The following DOCK4 variants were observed in gnomAD, a reference collection of about 807,000 sequenced individuals.
DOCK4 encodes dedicator of cytokinesis protein 4.
A neutral mutation model predicts 268.1 loss-of-function variants in DOCK4; 97 were observed. That is an observed-to-expected ratio of 0.36 (90% CI 0.31 to 0.43). The LOEUF (loss-of-function observed/expected upper bound fraction) is 0.43, where lower values mean the gene tolerates loss of function less well. Ranked by LOEUF, DOCK4 falls within the 20% of genes least tolerant of loss-of-function variation. The pLI is 1.00. For missense variants in DOCK4, 2,145 were observed against 2,455.7 expected (o/e 0.87, Z 2.67); for synonymous variants, 954 against 887.2 (o/e 1.08, Z -1.34).
intron 19 of DOCK4, 59 bp from the exon 20 acceptor site, chr7:111,872,149 T>G (rs1380029893): frequency 6.9e-7 from 1 of 1,442,574 alleles, no homozygotes; most frequent in African/African-American, 1.4e-5. Flanking sequence ...TTCCTTTTTT[T>G]TTTGCTTCTT....
intron 26 of DOCK4, among the ~76,000 whole-genome samples, chr7:111,823,506 C>A (rs1365562278): frequency 6.6e-6 from 1 of 152,088 alleles, no homozygotes; most frequent in African/African-American, 2.4e-5. Context: ...CCAGGCCTGG[C>A]CGGTATATTG....
chr7:112,002,780 T>C (rs1433561050), intron 2 of DOCK4, among the ~76,000 whole-genome samples: 1 of 152,124 alleles, frequency 6.6e-6, no homozygotes, highest in Non-Finnish European at 1.5e-5. Flanking sequence ...CCGGGCATGG[T>C]GGCTCACACC....
chr7:112,103,892 G>GA (rs373203302), intron 1 of DOCK4, among the ~76,000 whole-genome samples: 39 of 151,694 alleles, frequency 2.6e-4, no homozygotes, highest in African/African-American at 8.9e-4. Context: ...AATAAAAGAA[G>GA]AAAAAAAATC....
At chr7:111,770,546 C>T (rs1342266708) in intron 36 of DOCK4, among the ~76,000 whole-genome samples, 1 of 152,128 alleles carries the variant, frequency 6.6e-6, no homozygotes, top group Non-Finnish European at 1.5e-5. Context: ...GTGTATTTGA[C>T]AGGATACTTG....
intron 30 of DOCK4, among the ~76,000 whole-genome samples, chr7:111,797,644 T>A (rs1799992353): frequency 6.6e-6 from 1 of 152,120 alleles, no homozygotes; most frequent in African/African-American, 2.4e-5. Context: ...AGTAAACAAC[T>A]CTGACTGAAA....
intron 15 of DOCK4, among the ~76,000 whole-genome samples, chr7:111,897,553 T>A (rs1808859979): frequency 1.3e-5 from 2 of 152,112 alleles, no homozygotes; most frequent in African/African-American, 4.8e-5. Context: ...CCGTAAGAGC[T>A]GAGAGTGCAC....
At chr7:111,784,389 A>G (rs571759931) in intron 32 of DOCK4, 6 of 643,482 alleles carry the variant, frequency 9.3e-6, no homozygotes, top group African/African-American at 8.9e-5. Context: ...CCTACCTCTC[A>G]GTGGAATGCA....
chr7:112,161,174 A>G (rs28660370), intron 1 of DOCK4, among the ~76,000 whole-genome samples: 3,638 of 152,290 alleles, frequency 0.024, 121 homozygotes, highest in East Asian at 0.073. Flanking sequence ...AAATATTTCT[A>G]GAACACTGAA....
intron 39 of DOCK4, among the ~76,000 whole-genome samples, chr7:111,762,757 GTTTTCTTTTTTT>G (rs1239279960): frequency 1.8e-5 from 1 of 55,012 alleles, no homozygotes; most frequent in Non-Finnish European, 3.7e-5. Context: ...ATTTTGTTTT[GTTTTCTTTTTTT>G]TTTTTTTTTT....
chr7:112,151,161 A>G (rs1254586547), intron 1 of DOCK4, among the ~76,000 whole-genome samples: 8 of 152,144 alleles, frequency 5.3e-5, no homozygotes, highest in African/African-American at 1.9e-4. Flanking sequence ...TTACAAGGAG[A>G]AGGATTTGTA....
At chr7:112,197,132 T>G (rs2116846088) in intron 1 of DOCK4, among the ~76,000 whole-genome samples, 1 of 152,244 alleles carries the variant, frequency 6.6e-6, no homozygotes, top group East Asian at 1.9e-4. Context: ...TTTCTGTGAA[T>G]TTATTGTTAT....
chr7:111,914,168 C>A (rs1344535325), intron 13 of DOCK4, among the ~76,000 whole-genome samples: 3 of 152,110 alleles, frequency 2.0e-5, no homozygotes, highest in Non-Finnish European at 4.4e-5. Context: ...CGTGTCTCTG[C>A]CTGTGGACTG....
intron 37 of DOCK4, among the ~76,000 whole-genome samples, chr7:111,769,296 T>G (rs151130810): frequency 6.6e-6 from 1 of 152,280 alleles, no homozygotes; most frequent in East Asian, 1.9e-4. Context: ...CCCAGCCTCA[T>G]GCCAGACAAG....
At chr7:112,112,252 T>G (rs532690530) in intron 1 of DOCK4, among the ~76,000 whole-genome samples, 7 of 152,270 alleles carry the variant, frequency 4.6e-5, no homozygotes, top group African/African-American at 1.7e-4. Context: ...CAAAGGAACA[T>G]AGCATCTCTT....
chr7:111,847,381 T>C (rs1176421545), intron 23 of DOCK4, among the ~76,000 whole-genome samples: 1 of 152,230 alleles, frequency 6.6e-6, no homozygotes, highest in Non-Finnish European at 1.5e-5. Flanking sequence ...TACCTCTAAA[T>C]TTCTAAATTA....
At chr7:112,017,017 T>A (rs535740568) in intron 1 of DOCK4, among the ~76,000 whole-genome samples, 1 of 152,334 alleles carries the variant, frequency 6.6e-6, no homozygotes, top group Non-Finnish European at 1.5e-5. Context: ...ATCTTCAGGT[T>A]TGAATCAAAC....
chr7:112,173,022 T>C (rs1818213743), intron 1 of DOCK4, among the ~76,000 whole-genome samples: 1 of 152,202 alleles, frequency 6.6e-6, no homozygotes, highest in African/African-American at 2.4e-5. Flanking sequence ...CCTTCATGAC[T>C]ACCAGTCTGT....
intron 24 of DOCK4, among the ~76,000 whole-genome samples, chr7:111,845,536 G>A (rs1479003402): frequency 6.6e-6 from 1 of 152,116 alleles, no homozygotes; most frequent in Non-Finnish European, 1.5e-5. Flanking sequence ...GCTCTGCACT[G>A]ACTGTATGTG....
At chr7:112,094,609 C>T (rs957792777) in intron 1 of DOCK4, among the ~76,000 whole-genome samples, 20 of 152,200 alleles carry the variant, frequency 1.3e-4, no homozygotes, top group Non-Finnish European at 2.4e-4. Flanking sequence ...AAACCAACAA[C>T]AAAGAAAGTT....
Sources: allele counts gnomAD v4.1 joint callset (sites outside exome capture counted in the v4.1 genomes callset), GRCh38; gene constraint gnomAD v4.1.1; transcripts MANE v1.5; gene names NCBI Gene and HGNC (gene_info 2026-07-23, HGNC 2026-07-21).